SLC39A11: variants seen among roughly 807,000 people sequenced by gnomAD.
SLC39A11 encodes the protein zinc transporter ZIP11.
SLC39A11 carries 33 observed loss-of-function variants against 36.1 expected under a neutral mutation model. That is an observed-to-expected ratio of 0.91 (90% confidence interval 0.69 to 1.22). SLC39A11 has a LOEUF of 1.22. SLC39A11 is among the 50% of genes most tolerant of loss of function. The pLI is 0.00. For synonymous variants in SLC39A11, 166 were observed against 170.3 expected, an observed-to-expected ratio of 0.97 and a Z score of 0.20; for missense variants, 432 against 430.3, an observed-to-expected ratio of 1.00 and a Z score of -0.03.
intron 3 of SLC39A11, 80 bp from the exon 4 acceptor site, chr17:73,031,794 G>A: frequency 7.0e-7 from 1 of 1,428,552 alleles, no homozygotes; most frequent in Non-Finnish European, 9.6e-7. Context: ...GCTCTCTGTG[G>A]CCCAGATTGA....
At chr17:72,825,109 C>G (rs948331691) in intron 6 of SLC39A11, among the ~76,000 whole-genome samples, 1 of 147,972 alleles carries the variant, frequency 6.8e-6, no homozygotes, top group Non-Finnish European at 1.5e-5. Flanking sequence ...TTTGTGGAAG[C>G]CCCTTCCATC....
At chr17:72,742,578 G>A (rs1013406257) in intron 6 of SLC39A11, among the ~76,000 whole-genome samples, 3 of 152,246 alleles carry the variant, frequency 2.0e-5, no homozygotes, top group African/African-American at 7.2e-5. Flanking sequence ...CACTAGACAG[G>A]CGTATCCCTC....
At chr17:72,705,698 C>G (rs2072862144) in intron 7 of SLC39A11, among the ~76,000 whole-genome samples, 1 of 152,174 alleles carries the variant, frequency 6.6e-6, no homozygotes, top group Admixed American at 6.5e-5. Context: ...TTAATGTGAC[C>G]CAGCAGTTCC....
At chr17:72,710,974 C>G (rs2073084890) in intron 7 of SLC39A11, among the ~76,000 whole-genome samples, 1 of 152,178 alleles carries the variant, frequency 6.6e-6, no homozygotes, top group Non-Finnish European at 1.5e-5. Context: ...TCACATCCTC[C>G]CTCCCCCTTT....
intron 6 of SLC39A11, among the ~76,000 whole-genome samples, chr17:72,745,652 T>C (rs953870789): frequency 1.3e-5 from 2 of 152,232 alleles, no homozygotes; most frequent in Admixed American, 6.5e-5. Flanking sequence ...GGGCATTATA[T>C]GGATGTCACT....
rs115953419 is a variant in SLC39A11, at chr17:73,079,463, C to T, written c.147+5345G>A. ...ATCTGCATACATTTTAGATTAAAAC[C>T]CTCAGTAAAATCAGCATAGAAGAGA... On this transcript the variant is annotated intron_variant, in intron 3 of 9. Transcript: ENST00000255559. 8.4e-3 allele frequency among the ~76,000 whole-genome samples: 1,273 copies of T among 152,178 alleles called. 16 individuals carry two copies. The highest frequency in any genetic ancestry group is 0.029 in the African/African-American group (1,215 of 41,492).
chr17:72,988,033 G>A (rs778878627), intron 4 of SLC39A11, among the ~76,000 whole-genome samples: 10 of 152,096 alleles, frequency 6.6e-5, no homozygotes, highest in Non-Finnish European at 1.5e-4. Context: ...ATATTTATGG[G>A]GTCCATGAGA....
intron 4 of SLC39A11, among the ~76,000 whole-genome samples, chr17:73,004,163 A>AAAAG (rs1268703786): frequency 0.011 from 1,109 of 100,286 alleles, 48 homozygotes; most frequent in East Asian, 0.06. Flanking sequence ...AAGAAGGAAA[A>AAAAG]AAAGAAAGAA....
intron 5 of SLC39A11, among the ~76,000 whole-genome samples, chr17:72,887,678 T>C (rs943701802): frequency 1.1e-4 from 16 of 152,246 alleles, no homozygotes; most frequent in African/African-American, 3.9e-4. Context: ...TTATTTCTAA[T>C]TATATTGCAG....
intron 7 of SLC39A11, among the ~76,000 whole-genome samples, chr17:72,649,812 C>G (rs2069768691): frequency 6.6e-6 from 1 of 152,014 alleles, no homozygotes; most frequent in African/African-American, 2.4e-5. Context: ...AGGCTGGTCT[C>G]CAACTCCTGA....
intron 6 of SLC39A11, among the ~76,000 whole-genome samples, chr17:72,803,954 A>G (rs1191333187): frequency 6.8e-6 from 1 of 147,868 alleles, no homozygotes; most frequent in African/African-American, 2.5e-5. Context: ...TGTTTATGCC[A>G]GAGCTGTTAA....
intron 4 of SLC39A11, among the ~76,000 whole-genome samples, chr17:72,986,241 CG>C (rs2088744226): frequency 6.6e-6 from 1 of 152,176 alleles, no homozygotes; most frequent in Non-Finnish European, 1.5e-5. Flanking sequence ...AGAAGCCTGA[CG>C]GCTGTGGAGC....
rs1015652998 is a variant in SLC39A11, at chr17:72,646,450, T to C, written c.*1134A>G. 7 of 152,224 alleles carry C rather than the reference T, an allele frequency of 4.6e-5. No individual in the cohort carries two copies. The highest frequency in any genetic ancestry group is 8.8e-5 in the Non-Finnish European group (6 of 68,042). The allele number at this position is 152,224 out of a possible 1,614,324, so 9.4% of individuals were successfully genotyped here. On this transcript the variant is annotated 3_prime_UTR_variant, in exon 10 of 10. Transcript: ENST00000255559. ...TGGCTTCTGGTCTAGTTCGACTCAT[T>C]CTTTATAGGGACATTTCAGAATGAT... is the stretch of plus-strand genomic sequence containing the variant.
intron 6 of SLC39A11, among the ~76,000 whole-genome samples, chr17:72,766,864 A>G (rs1217917024): frequency 6.6e-6 from 1 of 152,198 alleles, no homozygotes; most frequent in African/African-American, 2.4e-5. Context: ...AACCACAAAT[A>G]ACATCTCTGA....
chr17:73,050,489 A>G (rs1334816368), intron 3 of SLC39A11, among the ~76,000 whole-genome samples: 2 of 136,832 alleles, frequency 1.5e-5, no homozygotes, highest in African/African-American at 6.2e-5. Context: ...TTTGAGACAC[A>G]GTTTCACTCT....
chr17:72,697,771 G>T lies in SLC39A11; in HGVS notation c.671+38879C>A, dbSNP rs578208507. 2.7e-3 allele frequency among the ~76,000 whole-genome samples: 409 copies of T among 148,790 alleles called. 11 individuals carry two copies. The highest frequency in any genetic ancestry group is 6.4e-4 in the Non-Finnish European group (43 of 67,302). ...CCGCCCCGACCCTCATGATCCTAGG[G>T]GCTCCATAAATGCTCCTATGTCTGA... is the stretch of plus-strand genomic sequence containing the variant. On this transcript the variant is annotated intron_variant, in intron 7 of 9. Coordinates refer to ENST00000255559, the MANE Select transcript of SLC39A11 (RefSeq NM_139177.4).
intron 7 of SLC39A11, among the ~76,000 whole-genome samples, chr17:72,660,973 T>C (rs765568188): frequency 6.6e-6 from 1 of 152,174 alleles, no homozygotes; most frequent in African/African-American, 2.4e-5. Context: ...TGAGCTTGCT[T>C]CCTTAGCAAA....
chr17:72,726,480 C>A (rs1034508755), intron 7 of SLC39A11, among the ~76,000 whole-genome samples: 11 of 152,034 alleles, frequency 7.2e-5, no homozygotes, highest in Non-Finnish European at 1.6e-4. Flanking sequence ...CACTGCACTG[C>A]GGCCTGAGCA....
chr17:72,973,806 G>A (rs1044613602), intron 4 of SLC39A11, among the ~76,000 whole-genome samples: 3 of 152,110 alleles, frequency 2.0e-5, no homozygotes, highest in East Asian at 1.9e-4. Context: ...AGCGATCCAC[G>A]TACCTCGGAC....
Sources: allele counts gnomAD v4.1 joint callset (sites outside exome capture counted in the v4.1 genomes callset), GRCh38; gene constraint gnomAD v4.1.1; transcripts MANE v1.5; gene names NCBI Gene and HGNC (gene_info 2026-07-23, HGNC 2026-07-21).